Variants in SHQ1 observed in about 807,000 individuals in gnomAD.
The protein encoded by SHQ1 is protein SHQ1 homolog.
SHQ1 carries 49 observed loss-of-function variants against 53.8 expected under a neutral mutation model. The observed-to-expected ratio is 0.91, with a 90% CI of 0.72 to 1.16. The LOEUF is 1.16. Among genes scored for constraint, SHQ1 ranks in the 50% most tolerant of loss-of-function variants. The pLI, the probability that SHQ1 is intolerant of heterozygous loss-of-function variation, is 0.00. For synonymous variants in SHQ1, 243 were observed against 251.0 expected (o/e 0.97, Z 0.30); for missense variants, 738 against 683.1 (o/e 1.08, Z -0.90).
At chr3:72,791,829 G>C (rs1351301849) in intron 10 of SHQ1, among the ~76,000 whole-genome samples, 2 of 152,010 alleles carry the variant, frequency 1.3e-5, no homozygotes, top group East Asian at 3.9e-4. Context: ...TGGGATTACA[G>C]GCATGAACCA....
intron 10 of SHQ1, among the ~76,000 whole-genome samples, chr3:72,765,434 T>C (rs1173333618): frequency 1.3e-5 from 2 of 150,728 alleles, no homozygotes; most frequent in African/African-American, 2.5e-5. Flanking sequence ...ATTCATTTTT[T>C]TTTTTTTTTA....
intron 8 of SHQ1, chr3:72,814,640 T>A (rs183079347): frequency 6.6e-6 from 1 of 152,344 alleles, no homozygotes; most frequent in East Asian, 1.9e-4. Flanking sequence ...GATGATATAA[T>A]CTCGATACTT....
At chr3:72,818,414 G>A (rs1424739537) in intron 6 of SHQ1, among the ~76,000 whole-genome samples, 2 of 151,976 alleles carry the variant, frequency 1.3e-5, no homozygotes, top group African/African-American at 4.8e-5. Context: ...GTAGACTCTC[G>A]AGACTGTATT....
chr3:72,792,564 T>C (rs896729692), intron 10 of SHQ1, among the ~76,000 whole-genome samples: 25 of 152,046 alleles, frequency 1.6e-4, no homozygotes, highest in African/African-American at 5.8e-4. Flanking sequence ...GGTGGGTGGA[T>C]CACCTGAGGT....
chr3:72,757,783 T>C (rs1705528732), intron 10 of SHQ1, among the ~76,000 whole-genome samples: 1 of 151,930 alleles, frequency 6.6e-6, no homozygotes, highest in Non-Finnish European at 1.5e-5. Context: ...TAAGAACACA[T>C]GGACACATAG....
chr3:72,823,166 A>G (rs1004544334), intron 6 of SHQ1, among the ~76,000 whole-genome samples: 11 of 151,768 alleles, frequency 7.2e-5, no homozygotes, highest in African/African-American at 2.4e-4. Context: ...AAAAAAAAAA[A>G]AGAGTCACTA....
At chr3:72,728,181 G>T in the SHQ1 span, among the ~76,000 whole-genome samples, 3 of 152,196 alleles carry the variant, frequency 2.0e-5, no homozygotes, top group African/African-American at 7.2e-5. Context: ...AAAAGGATTT[G>T]CACTGCAATA....
downstream of SHQ1, among the ~76,000 whole-genome samples, chr3:72,748,971 GCACACACACACA>G (rs34002344): frequency 4.9e-5 from 7 of 144,062 alleles, no homozygotes; most frequent in Non-Finnish European, 1.1e-4. Flanking sequence ...ACACGCACAC[GCACACACACACA>G]CACACACACA....
intron 4 of SHQ1, among the ~76,000 whole-genome samples, chr3:72,840,505 G>A (rs547905759): frequency 1.1e-4 from 17 of 149,352 alleles, no homozygotes; most frequent in Admixed American, 8.7e-4. Flanking sequence ...GCCATCAGCC[G>A]AGATCGTGCC....
At chr3:72,798,852 T>C (rs983092135) in intron 9 of SHQ1, among the ~76,000 whole-genome samples, 2 of 152,232 alleles carry the variant, frequency 1.3e-5, no homozygotes, top group African/African-American at 4.8e-5. Flanking sequence ...TTCTATACAA[T>C]AAGAGCTAAA....
At chr3:72,832,656 T>C (rs572069508) in intron 4 of SHQ1, among the ~76,000 whole-genome samples, 175 bp from the exon 5 acceptor site, 1 of 152,356 alleles carries the variant, frequency 6.6e-6, no homozygotes, top group Non-Finnish European at 1.5e-5. Context: ...TACTACTTGG[T>C]AGGGCCTGTG....
chr3:72,743,059 T>G, the SHQ1 span, among the ~76,000 whole-genome samples: 1 of 152,210 alleles, frequency 6.6e-6, no homozygotes, highest in African/African-American at 2.4e-5. Context: ...GAATACTGCC[T>G]GGGTTGGGTT....
intron 10 of SHQ1, chr3:72,773,498 G>T: frequency 4.3e-6 from 1 of 232,694 alleles, no homozygotes. Flanking sequence ...AAAAAAAAAA[G>T]AAAAAAAAGA....
chr3:72,735,000 C>G, the SHQ1 span, among the ~76,000 whole-genome samples: 1 of 151,448 alleles, frequency 6.6e-6, no homozygotes, highest in African/African-American at 2.4e-5. Context: ...GGGTTCCTGC[C>G]AAGGAATTCA....
At chr3:72,751,449 TG>T (rs1487136552) in intron 10 of SHQ1, among the ~76,000 whole-genome samples, 1 of 149,214 alleles carries the variant, frequency 6.7e-6, no homozygotes, top group Non-Finnish European at 1.5e-5. Context: ...CAATTTCTTC[TG>T]GGTAATATAT....
intron 9 of SHQ1, 128 bp from the exon 10 acceptor site, chr3:72,793,164 T>G: frequency 1.3e-6 from 1 of 795,050 alleles, no homozygotes; most frequent in South Asian, 1.9e-5. Context: ...GCAAAAAAAT[T>G]TATGAGTCCT....
intron 10 of SHQ1, among the ~76,000 whole-genome samples, chr3:72,751,259 A>G (rs1191725444): frequency 6.6e-6 from 1 of 151,904 alleles, no homozygotes; most frequent in Non-Finnish European, 1.5e-5. Context: ...AAAAATACAA[A>G]AAATTAGCTG....
chr3:72,837,031 C>T (rs995571373), intron 4 of SHQ1, among the ~76,000 whole-genome samples: 21 of 152,164 alleles, frequency 1.4e-4, no homozygotes, highest in African/African-American at 4.6e-4. Flanking sequence ...GCAAGCCTGG[C>T]GTCCTGCAGC....
At chr3:72,817,668 T>C (rs1379047630) in intron 6 of SHQ1, among the ~76,000 whole-genome samples, 1 of 152,206 alleles carries the variant, frequency 6.6e-6, no homozygotes, top group Non-Finnish European at 1.5e-5. Context: ...ACTTAAGACG[T>C]CTGAATGCCA....
Sources: allele counts gnomAD v4.1 joint callset (sites outside exome capture counted in the v4.1 genomes callset), GRCh38; gene constraint gnomAD v4.1.1; transcripts MANE v1.5; gene names NCBI Gene and HGNC (gene_info 2026-07-23, HGNC 2026-07-21).